Variants in SLC38A9 observed in about 807,000 individuals in gnomAD.
SLC38A9 encodes neutral amino acid transporter 9.
In SLC38A9, 48 loss-of-function variants were observed where a neutral mutation model predicts 62.3. The ratio of observed to expected loss-of-function variants is 0.77; its 90% CI spans 0.61 to 0.98. The LOEUF (loss-of-function observed/expected upper bound fraction) is 0.98. Among genes scored for constraint, SLC38A9 ranks in the 50% least tolerant of loss-of-function variants. The pLI, the probability that SLC38A9 is intolerant of heterozygous loss-of-function variation, is 0.00. For missense variants in SLC38A9, 541 were observed against 679.8 expected (o/e 0.80, Z 2.27); for synonymous variants, 204 against 227.7 (o/e 0.90, Z 0.94).
chr5:55,693,135 G>A (rs1754973651), intron 3 of SLC38A9: 1 of 363,568 alleles, frequency 2.8e-6, no homozygotes, highest in African/African-American at 2.2e-5. Flanking sequence ...TAATTGTTGG[G>A]TGTCTACCTA....
chr5:55,650,147 G>C (rs764815477), intron 10 of SLC38A9, among the ~76,000 whole-genome samples: 23 of 152,120 alleles, frequency 1.5e-4, no homozygotes, highest in Non-Finnish European at 2.6e-4. Flanking sequence ...TCCTGATCTA[G>C]TATCTAGATG....
At chr5:55,652,001 T>G (rs1580172655) in intron 10 of SLC38A9, among the ~76,000 whole-genome samples, 1 of 144,446 alleles carries the variant, frequency 6.9e-6, no homozygotes, top group African/African-American at 2.5e-5. Flanking sequence ...CCAAAAATGG[T>G]CATCTACACT....
At chr5:55,688,380 C>CTTTTT (rs767493953) in intron 3 of SLC38A9, among the ~76,000 whole-genome samples, 12 of 123,274 alleles carry the variant, frequency 9.7e-5, no homozygotes, top group East Asian at 2.3e-4. Context: ...GGCATAATCT[C>CTTTTT]TTTTTTTTTT....
chr5:55,638,410 C>T (rs1423211055), intron 12 of SLC38A9, among the ~76,000 whole-genome samples: 2 of 152,002 alleles, frequency 1.3e-5, no homozygotes, highest in Non-Finnish European at 2.9e-5. Context: ...GAGACACAAG[C>T]GACAATATAA....
chr5:55,631,694 C>T (rs907504120), intron 14 of SLC38A9, among the ~76,000 whole-genome samples: 4 of 152,106 alleles, frequency 2.6e-5, no homozygotes, highest in South Asian at 2.1e-4. Context: ...AATTATTTAT[C>T]GAAGAAGCAG....
At chr5:55,696,143 C>A (rs1263965323) in intron 3 of SLC38A9, 4 of 52,662 alleles carry the variant, frequency 7.6e-5, no homozygotes, top group South Asian at 1.1e-3. Flanking sequence ...ACCTCCCTCC[C>A]GGACCGGGCG....
chr5:55,693,049 CT>C, intron 3 of SLC38A9: 1 of 972,572 alleles, frequency 1.0e-6, no homozygotes, highest in Non-Finnish European at 1.2e-6. Context: ...CATCTTTCAT[CT>C]CTTGGATGAA....
At chr5:55,647,618 A>C (rs923670031) in intron 11 of SLC38A9, among the ~76,000 whole-genome samples, 9 of 152,354 alleles carry the variant, frequency 5.9e-5, no homozygotes, top group African/African-American at 2.2e-4. Flanking sequence ...TACTTAGTTA[A>C]GATACCCTGT....
intron 3 of SLC38A9, chr5:55,691,420 A>T (rs1754723218): frequency 3.5e-6 from 4 of 1,157,264 alleles, no homozygotes; most frequent in Non-Finnish European, 4.4e-6. Flanking sequence ...CATACAGAGA[A>T]GGATATGAAA....
At chr5:55,636,670 T>C (rs920547325) in intron 12 of SLC38A9, among the ~76,000 whole-genome samples, 1 of 152,180 alleles carries the variant, frequency 6.6e-6, no homozygotes, top group African/African-American at 2.4e-5. Flanking sequence ...CTAGCTAACG[T>C]AGTAGAGTTT....
At chr5:55,675,372 C>A (rs1438888696) in intron 3 of SLC38A9, 1 of 152,124 alleles carries the variant, frequency 6.6e-6, no homozygotes, top group Non-Finnish European at 1.5e-5. Flanking sequence ...AAAACAGATT[C>A]TCTTCAAAAA....
chr5:55,640,890 G>A (rs1487510754), intron 12 of SLC38A9, among the ~76,000 whole-genome samples: 1 of 152,222 alleles, frequency 6.6e-6, no homozygotes, highest in Non-Finnish European at 1.5e-5. Context: ...ATGCTGGAGT[G>A]CAACAGTGTG....
At chr5:55,667,021 A>G (rs1016536573) in intron 7 of SLC38A9, among the ~76,000 whole-genome samples, 1 of 149,690 alleles carries the variant, frequency 6.7e-6, no homozygotes, top group African/African-American at 2.5e-5. Flanking sequence ...TCTCAAAAAA[A>G]ATAAAAATAC....
intron 4 of SLC38A9, among the ~76,000 whole-genome samples, chr5:55,670,988 T>C (rs1168129776): frequency 2.0e-5 from 3 of 152,370 alleles, no homozygotes; most frequent in African/African-American, 7.2e-5. Flanking sequence ...AGCTATTGTT[T>C]AGGCTTAAAT....
intron 7 of SLC38A9, among the ~76,000 whole-genome samples, chr5:55,665,560 GA>G (rs982708973): frequency 6.8e-6 from 1 of 146,608 alleles, no homozygotes; most frequent in Non-Finnish European, 1.5e-5. Context: ...AAAAAAAAAA[GA>G]AAAAAAACAA....
intron 3 of SLC38A9, among the ~76,000 whole-genome samples, chr5:55,681,486 ACC>A (rs1017067699): frequency 6.6e-6 from 1 of 152,116 alleles, no homozygotes; most frequent in African/African-American, 2.4e-5. Flanking sequence ...TTCAGTCTCT[ACC>A]CCTATGGTTT....
At chr5:55,692,769 T>C in intron 3 of SLC38A9, 1 of 985,392 alleles carries the variant, frequency 1.0e-6, no homozygotes, top group South Asian at 4.7e-5. Flanking sequence ...GTTGTCACAG[T>C]GGTCAATTAT....
At chr5:55,677,735 G>T (rs1399978897) in intron 3 of SLC38A9, among the ~76,000 whole-genome samples, 1 of 151,142 alleles carries the variant, frequency 6.6e-6, no homozygotes, top group African/African-American at 2.4e-5. Flanking sequence ...GGTAGAGATG[G>T]GGCTGTTATG....
chr5:55,678,188 A>G (rs1167230009), intron 3 of SLC38A9, among the ~76,000 whole-genome samples: 1 of 137,794 alleles, frequency 7.3e-6, no homozygotes, highest in African/African-American at 2.6e-5. Flanking sequence ...CCCAGGATGG[A>G]GAGCAGTGGC....
Sources: gnomAD v4.1 joint callset for allele counts (sites outside exome capture counted in the v4.1 genomes callset) on GRCh38, gnomAD v4.1.1 for gene constraint, MANE v1.5 for transcripts, NCBI Gene and HGNC (gene_info 2026-07-23, HGNC 2026-07-21) for gene names.